The following TOM1L2 variants were observed in gnomAD, a reference collection of about 807,000 sequenced individuals.
TOM1L2 encodes the protein TOM1-like protein 2.
TOM1L2 carries 31 observed loss-of-function variants against 67.9 expected under a neutral mutation model. The observed-to-expected ratio is 0.46, with a 90% CI of 0.34 to 0.62. The LOEUF is 0.62. Among genes scored for constraint, TOM1L2 ranks in the 20% least tolerant of loss-of-function variants. TOM1L2 has a pLI of 0.01. For synonymous variants in TOM1L2, 256 were observed against 254.0 expected, an observed-to-expected ratio of 1.01 and a Z score of -0.07; for missense variants, 606 against 663.5, an observed-to-expected ratio of 0.91 and a Z score of 0.95.
In TOM1L2 at chr17:17,879,170, C is replaced by T. The variant is rs78872339; in HGVS notation, c.777+457G>A. ...AGGTGCCACTACAAGGGCTCCTGTGCACAGTCAAGGTTGAACAGGCCCTCC... is the reference window on the plus strand; with the variant it reads ...AGGTGCCACTACAAGGGCTCCTGTGTACAGTCAAGGTTGAACAGGCCCTCC... On this transcript the variant is annotated intron_variant, in intron 7 of 14. Transcript: ENST00000379504. Among the ~76,000 whole-genome samples, 1,191 of 152,316 alleles carry T rather than the reference C, an allele frequency of 7.8e-3. 15 individuals are homozygous for T. The highest frequency in any genetic ancestry group is 0.027 in the African/African-American group (1,143 of 41,568).
intron 7 of TOM1L2, chr17:17,872,087 G>A (rs1052095546): frequency 3.1e-5 from 30 of 976,976 alleles, no homozygotes; most frequent in Admixed American, 1.8e-4. Flanking sequence ...GGCCACAGGC[G>A]CCAATGGACA....
In TOM1L2 at chr17:17,972,398, G is replaced by T; in HGVS notation, c.-85C>A. 1 of 1,522,282 alleles carries T rather than the reference G, an allele frequency of 6.6e-7. No individual in the cohort carries two copies. The highest frequency in any genetic ancestry group is 1.2e-5 in the South Asian group (1 of 83,096). 94.3% of individuals were successfully genotyped at this position (1,522,282 alleles called of 1,614,324 possible). The stretch of plus-strand genomic sequence containing the variant: ...AACCCGCCGGACTCCCGTCCTGACT[G>T]ACACTTGCCCCCTCCCCACTCTCTG... On this transcript the variant is annotated 5_prime_UTR_variant, in exon 1 of 15. Transcript: ENST00000379504.
In TOM1L2 at chr17:17,955,248, TG is replaced by T. The variant is rs370443913; in HGVS notation, c.52+17013del. Among the ~76,000 whole-genome samples, 328 of 149,954 alleles carry T rather than the reference TG, an allele frequency of 2.2e-3. 1 individual carries two copies. Among genetic ancestry groups the T allele is most frequent in the African/African-American group, 7.3e-3 (299 of 40,880 alleles). On this transcript the variant is annotated intron_variant, in intron 1 of 14. Transcript: ENST00000379504. ...CTATCATACTCAGCAGACAATATGG[TG>T]GTCACCGGCAGAGGGCCCTCACTTC... is the stretch of plus-strand genomic sequence containing the variant.
chr17:17,875,757 T>C (rs1157525500), intron 7 of TOM1L2, among the ~76,000 whole-genome samples: 5 of 152,266 alleles, frequency 3.3e-5, no homozygotes, highest in East Asian at 1.9e-4. Context: ...CTTTATGGAT[T>C]TCCTCTGAGC....
At chr17:17,918,986 T>C (rs2039743307) in intron 1 of TOM1L2, among the ~76,000 whole-genome samples, 1 of 152,154 alleles carries the variant, frequency 6.6e-6, no homozygotes, top group Non-Finnish European at 1.5e-5. Context: ...TCTGGTGAGA[T>C]GAGAGCTCGG....
intron 2 of TOM1L2, among the ~76,000 whole-genome samples, chr17:17,907,143 T>G (rs2039135244): frequency 1.3e-5 from 2 of 152,192 alleles, no homozygotes; most frequent in Non-Finnish European, 2.9e-5. Flanking sequence ...AGGTGACACT[T>G]GGGCTGCAGA....
chr17:17,853,834 G>A (rs1216302563), intron 12 of TOM1L2, among the ~76,000 whole-genome samples: 4 of 152,192 alleles, frequency 2.6e-5, no homozygotes, highest in Admixed American at 2.6e-4. Context: ...CAGGAGCAGG[G>A]GACAGAGGCC....
chr17:17,930,415 AAGG>A (rs1210350733), intron 1 of TOM1L2, among the ~76,000 whole-genome samples: 3 of 152,300 alleles, frequency 2.0e-5, no homozygotes, highest in East Asian at 3.9e-4. Context: ...TGGTAGGCAC[AAGG>A]AGGACTGCAG....
intron 4 of TOM1L2, among the ~76,000 whole-genome samples, chr17:17,892,965 A>G (rs1309693237): frequency 2.0e-5 from 3 of 152,166 alleles, no homozygotes; most frequent in Non-Finnish European, 4.4e-5. Flanking sequence ...CCTTCAGACA[A>G]TGCAACCTCA....
chr17:17,951,711 G>A (rs2041214068), intron 1 of TOM1L2, among the ~76,000 whole-genome samples: 1 of 152,248 alleles, frequency 6.6e-6, no homozygotes, highest in Non-Finnish European at 1.5e-5. Context: ...AGCTCCACCA[G>A]CAGGCATTCT....
At chr17:17,971,861 G>A (rs2042104030) in intron 1 of TOM1L2, among the ~76,000 whole-genome samples, 1 of 152,208 alleles carries the variant, frequency 6.6e-6, no homozygotes, top group South Asian at 2.1e-4. Context: ...TGGCGCGCCC[G>A]TGAGGTGGCA....
chr17:17,867,272 T>A (rs939855193), intron 8 of TOM1L2, among the ~76,000 whole-genome samples: 1 of 152,008 alleles, frequency 6.6e-6, no homozygotes, highest in African/African-American at 2.4e-5. Context: ...CCCTATTTCA[T>A]AGGGCTGTGT....
At chr17:17,951,761 G>T (rs79027773) in intron 1 of TOM1L2, among the ~76,000 whole-genome samples, 3,639 of 152,292 alleles carry the variant, frequency 0.024, 123 homozygotes, top group African/African-American at 0.076. Flanking sequence ...GCTTAGGAAG[G>T]AAGTTAGCCG....
chr17:17,859,112 T>TC (rs1224647618), intron 12 of TOM1L2: 1 of 152,240 alleles, frequency 6.6e-6, no homozygotes, highest in Admixed American at 6.5e-5. Flanking sequence ...GTTTCACTCT[T>TC]CTTGCCCAGG....
chr17:17,886,859 C>A (rs1255420231), intron 4 of TOM1L2, among the ~76,000 whole-genome samples: 1 of 152,220 alleles, frequency 6.6e-6, no homozygotes, highest in Non-Finnish European at 1.5e-5. Context: ...AATGCACACC[C>A]AAGTTGGGCC....
At chr17:17,894,708 A>C (rs1433207001) in intron 3 of TOM1L2, among the ~76,000 whole-genome samples, 6 of 152,352 alleles carry the variant, frequency 3.9e-5, no homozygotes, top group Admixed American at 3.9e-4. Context: ...AGGCAGGTGG[A>C]TCACCTGAGG....
intron 8 of TOM1L2, chr17:17,869,128 G>A (rs1050912276): frequency 9.1e-5 from 81 of 892,574 alleles, no homozygotes; most frequent in Admixed American, 4.3e-4. Flanking sequence ...AATTCTGCAC[G>A]TCAACTTCCT....
At chr17:17,933,926 AAGCATG>A (rs1204844069) in intron 1 of TOM1L2, among the ~76,000 whole-genome samples, 5 of 152,154 alleles carry the variant, frequency 3.3e-5, no homozygotes, top group African/African-American at 4.8e-5. Context: ...AACATGGCTG[AAGCATG>A]AGACCCTGCC....
chr17:17,854,533 A>T (rs116001567), intron 12 of TOM1L2, among the ~76,000 whole-genome samples: 5,322 of 151,502 alleles, frequency 0.035, 232 homozygotes, highest in African/African-American at 0.1. Flanking sequence ...TTAATTAATT[A>T]ATTTATTTAG....
Sources: allele counts gnomAD v4.1 joint callset (sites outside exome capture counted in the v4.1 genomes callset), GRCh38; gene constraint gnomAD v4.1.1; transcripts MANE v1.5; gene names NCBI Gene and HGNC (gene_info 2026-07-23, HGNC 2026-07-21).